Variants in TBC1D19 observed in about 807,000 individuals in gnomAD.
TBC1D19 encodes the protein TBC1 domain family member 19, also known as TBC1 domain family, member 19.
TBC1D19 carries 60 observed loss-of-function variants against 89.0 expected under a neutral mutation model. The ratio of observed to expected loss-of-function variants is 0.67; its 90% CI spans 0.55 to 0.84. The LOEUF is 0.84. Among genes scored for constraint, TBC1D19 ranks in the 40% least tolerant of loss-of-function variants. The pLI, the probability that TBC1D19 is intolerant of heterozygous loss-of-function variation, is 0.00. For missense variants in TBC1D19, 500 were observed against 610.8 expected (o/e 0.82, Z 1.91); for synonymous variants, 189 against 199.7 (o/e 0.95, Z 0.45).
intron 13 of TBC1D19, among the ~76,000 whole-genome samples, chr4:26,695,560 G>T (rs2109186403): frequency 6.6e-6 from 1 of 152,206 alleles, no homozygotes; most frequent in Middle Eastern, 3.4e-3. Flanking sequence ...ATAATTGTCG[G>T]ACTCATCAAG....
chr4:26,793,554 C>G, the TBC1D19 span, among the ~76,000 whole-genome samples: 1 of 151,930 alleles, frequency 6.6e-6, no homozygotes, highest in Non-Finnish European at 1.5e-5. Context: ...GAAACTCCGT[C>G]TCTACTAATA....
chr4:26,766,392 T>C, the TBC1D19 span, among the ~76,000 whole-genome samples: 1 of 152,080 alleles, frequency 6.6e-6, no homozygotes, highest in Non-Finnish European at 1.5e-5. Context: ...ACAAGTTGAG[T>C]GGCCTCAGCT....
chr4:26,613,487 T>C (rs1741501467), intron 2 of TBC1D19, among the ~76,000 whole-genome samples: 1 of 152,186 alleles, frequency 6.6e-6, no homozygotes, highest in Non-Finnish European at 1.5e-5. Context: ...CCCATGACTG[T>C]ATTCTCTCTC....
chr4:26,840,452 C>T, the TBC1D19 span, among the ~76,000 whole-genome samples: 5 of 151,818 alleles, frequency 3.3e-5, no homozygotes, highest in South Asian at 4.2e-4. Context: ...TGTAGACCTC[C>T]GAGGAGAAGA....
In TBC1D19 at chr4:26,666,643, A is replaced by G. The variant is rs570825918; in HGVS notation, c.664+238A>G. 2.0e-5 allele frequency among the ~76,000 whole-genome samples: 3 copies of G among 152,120 alleles called. No homozygotes were observed. In the East Asian group the frequency reaches 5.8e-4, roughly 29 times the overall value. ...TAAAATGATTTTGAAAAGTCATTAG[A>G]CATATATAAGTCATTTTTGTTGTCA... is the stretch of plus-strand genomic sequence containing the variant. On this transcript the variant is annotated intron_variant, in intron 9 of 20. Coordinates refer to ENST00000264866, the MANE Select transcript of TBC1D19 (RefSeq NM_018317.4).
intron 7 of TBC1D19, among the ~76,000 whole-genome samples, chr4:26,657,876 A>C (rs1744966082): frequency 6.6e-6 from 1 of 152,200 alleles, no homozygotes; most frequent in Non-Finnish European, 1.5e-5. Context: ...GGCTGCATAA[A>C]TGTCTTCTTT....
the TBC1D19 span, among the ~76,000 whole-genome samples, chr4:26,827,992 G>A: frequency 6.6e-6 from 1 of 152,132 alleles, no homozygotes; most frequent in African/African-American, 2.4e-5. Flanking sequence ...TTTGGCAGAT[G>A]CTTTGACAGC....
At chr4:26,598,805 T>C (rs1416071551) in intron 1 of TBC1D19, among the ~76,000 whole-genome samples, 2 of 152,070 alleles carry the variant, frequency 1.3e-5, no homozygotes, top group African/African-American at 2.4e-5. Context: ...GTTTCAGGAT[T>C]TCAAAAAAGG....
chr4:26,671,252 A>G (rs776681775), intron 9 of TBC1D19, among the ~76,000 whole-genome samples: 1 of 151,700 alleles, frequency 6.6e-6, no homozygotes, highest in Non-Finnish European at 1.5e-5. Flanking sequence ...TGTGTATTTC[A>G]TAGTGGTTTT....
the TBC1D19 span, among the ~76,000 whole-genome samples, chr4:26,808,500 G>T: frequency 7.3e-3 from 1,104 of 152,122 alleles, 7 homozygotes; most frequent in African/African-American, 0.025. Flanking sequence ...TGGAGGCCAA[G>T]GTGGGTGGAT....
chr4:26,646,844 G>C (rs1744002753), intron 7 of TBC1D19, among the ~76,000 whole-genome samples: 1 of 152,118 alleles, frequency 6.6e-6, no homozygotes. Flanking sequence ...TAAATGATAA[G>C]TTAATGAGTG....
At chr4:26,637,175 A>G in intron 4 of TBC1D19, 36 bp from the exon 5 acceptor site, 1 of 1,419,390 alleles carries the variant, frequency 7.0e-7, no homozygotes, top group Middle Eastern at 1.8e-4. Flanking sequence ...TAGTATTGTT[A>G]CTGGAAAAGA....
chr4:26,815,070 T>A, the TBC1D19 span, among the ~76,000 whole-genome samples: 1 of 151,426 alleles, frequency 6.6e-6, no homozygotes, highest in Non-Finnish European at 1.5e-5. Context: ...CCCTAGAGCA[T>A]AAAGCAATAA....
chr4:26,607,022 T>C (rs2109999826), intron 1 of TBC1D19, among the ~76,000 whole-genome samples: 1 of 152,276 alleles, frequency 6.6e-6, no homozygotes, highest in South Asian at 2.1e-4. Flanking sequence ...TGGTAGGAAT[T>C]GAAAGAAACT....
chr4:26,698,750 G>C (rs1196846853), intron 13 of TBC1D19, among the ~76,000 whole-genome samples: 4 of 151,980 alleles, frequency 2.6e-5, no homozygotes, highest in East Asian at 1.9e-4. Flanking sequence ...CTGACAAAAA[G>C]AAGAAATGGG....
At chr4:26,790,209 T>C in the TBC1D19 span, among the ~76,000 whole-genome samples, 38,041 of 152,046 alleles carry the variant, frequency 0.25, 5,844 homozygotes, top group Non-Finnish European at 0.35. Context: ...TGGTCCTCCG[T>C]ACTCTCTCTT....
upstream of TBC1D19, among the ~76,000 whole-genome samples, chr4:26,579,377 C>T (rs896772742): frequency 6.6e-6 from 1 of 152,170 alleles, no homozygotes. Flanking sequence ...GACAAAGCTT[C>T]AGGCAGTAAG....
chr4:26,647,627 C>CATTTG (rs2109033696), intron 7 of TBC1D19, among the ~76,000 whole-genome samples: 1 of 152,232 alleles, frequency 6.6e-6, no homozygotes, highest in East Asian at 1.9e-4. Context: ...AATAAAAGCC[C>CATTTG]ATTTGATTTG....
intron 4 of TBC1D19, among the ~76,000 whole-genome samples, chr4:26,623,292 T>A (rs1365387846): frequency 6.6e-6 from 1 of 152,224 alleles, no homozygotes; most frequent in Non-Finnish European, 1.5e-5. Context: ...AATCATGTAA[T>A]TTCTGTGTTA....
Sources: allele counts gnomAD v4.1 joint callset (sites outside exome capture counted in the v4.1 genomes callset), GRCh38; gene constraint gnomAD v4.1.1; transcripts MANE v1.5; gene names NCBI Gene and HGNC (gene_info 2026-07-23, HGNC 2026-07-21).